MYRIP: variants seen among roughly 807,000 people sequenced by gnomAD.
MYRIP encodes the protein myosin VIIA and Rab interacting protein, also known as rab effector MyRIP.
A neutral mutation model predicts 98.0 loss-of-function variants in MYRIP; 49 were observed. That is an observed-to-expected ratio of 0.50 (90% confidence interval 0.40 to 0.63). MYRIP has a LOEUF of 0.63. MYRIP is among the 30% of genes least tolerant of loss of function. The probability of loss-of-function intolerance (pLI) is 0.00; values close to 1 mark genes in which losing one functional copy is unlikely to be tolerated. For missense variants in MYRIP, 1,004 were observed against 1,058.2 expected (o/e 0.95, Z 0.71); for synonymous variants, 404 against 409.5 (o/e 0.99, Z 0.16).
chr3:40,156,066 C>T (rs1333524766), intron 4 of MYRIP, among the ~76,000 whole-genome samples: 8 of 151,850 alleles, frequency 5.3e-5, no homozygotes, highest in African/African-American at 1.2e-4. Flanking sequence ...AAGTCCTTGC[C>T]CATGCCTATG....
chr3:40,106,382 T>G (rs916291371), intron 3 of MYRIP, among the ~76,000 whole-genome samples: 1 of 152,162 alleles, frequency 6.6e-6, no homozygotes, highest in Non-Finnish European at 1.5e-5. Flanking sequence ...TCGTTTGAAT[T>G]TTTATGTTTG....
intron 3 of MYRIP, among the ~76,000 whole-genome samples, chr3:40,141,098 T>A (rs1386671371): frequency 1.3e-5 from 2 of 152,190 alleles, no homozygotes; most frequent in African/African-American, 4.8e-5. Context: ...ACCATCCTTC[T>A]ACACTCTATC....
chr3:39,816,303 C>T (rs982144713), intron 1 of MYRIP, among the ~76,000 whole-genome samples: 1 of 152,092 alleles, frequency 6.6e-6, no homozygotes, highest in Non-Finnish European at 1.5e-5. Context: ...AGGATGGTCT[C>T]GATCTCCTGA....
chr3:39,926,525 G>A, intron 2 of MYRIP, among the ~76,000 whole-genome samples: 1 of 151,974 alleles, frequency 6.6e-6, no homozygotes. Flanking sequence ...GTTAAAAGTA[G>A]GGGTCCAGTT....
chr3:40,135,140 A>C (rs145902817), intron 3 of MYRIP, among the ~76,000 whole-genome samples: 226 of 152,332 alleles, frequency 1.5e-3, no homozygotes, highest in African/African-American at 5.2e-3. Context: ...TTTGAAAAAA[A>C]ATTAGATGAA....
At chr3:39,936,913 G>A (rs1252248351) in intron 2 of MYRIP, among the ~76,000 whole-genome samples, 1 of 152,008 alleles carries the variant, frequency 6.6e-6, no homozygotes, top group East Asian at 1.9e-4. Flanking sequence ...GTGTTTTATG[G>A]AACTTGGTTT....
chr3:39,901,708 C>G (rs1277825564), intron 2 of MYRIP, among the ~76,000 whole-genome samples: 2 of 152,096 alleles, frequency 1.3e-5, no homozygotes, highest in Admixed American at 6.5e-5. Flanking sequence ...AAGCAAAAAC[C>G]TGTTTTGCTC....
chr3:40,225,353 C>T (rs1952458652), intron 11 of MYRIP, among the ~76,000 whole-genome samples: 1 of 152,136 alleles, frequency 6.6e-6, no homozygotes, highest in Non-Finnish European at 1.5e-5. Flanking sequence ...CTTTCCAAAT[C>T]AATGCACTTA....
chr3:40,162,659 C>T, intron 4 of MYRIP, 71 bp from the exon 5 acceptor site: 2 of 1,344,858 alleles, frequency 1.5e-6, no homozygotes, highest in Non-Finnish European at 1.1e-6. Flanking sequence ...TTCAGTGACA[C>T]AGTGCATCAG....
intron 8 of MYRIP, among the ~76,000 whole-genome samples, chr3:40,176,744 C>T (rs200367090): frequency 6.6e-6 from 1 of 151,818 alleles, no homozygotes; most frequent in East Asian, 1.9e-4. Flanking sequence ...CCTGTCTCTA[C>T]TAAAAATACA....
chr3:39,819,416 C>G (rs1053694449), intron 1 of MYRIP, among the ~76,000 whole-genome samples: 1 of 152,086 alleles, frequency 6.6e-6, no homozygotes, highest in Non-Finnish European at 1.5e-5. Context: ...TTAGTAGTGC[C>G]TTTAATGAGG....
At chr3:39,866,789 A>G (rs962895792) in intron 1 of MYRIP, among the ~76,000 whole-genome samples, 1 of 152,220 alleles carries the variant, frequency 6.6e-6, no homozygotes, top group African/African-American at 2.4e-5. Flanking sequence ...AACCCCTATC[A>G]AAATTCTAAT....
intron 3 of MYRIP, among the ~76,000 whole-genome samples, chr3:40,128,281 G>A (rs1360787923): frequency 6.6e-6 from 1 of 152,162 alleles, no homozygotes; most frequent in Non-Finnish European, 1.5e-5. Context: ...GTGGCAGCAG[G>A]CTAGACAACA....
intron 3 of MYRIP, among the ~76,000 whole-genome samples, chr3:40,057,249 A>G (rs1025142549): frequency 1.3e-5 from 2 of 152,090 alleles, no homozygotes; most frequent in Non-Finnish European, 2.9e-5. Flanking sequence ...AGAAGCCTAA[A>G]CAGTCCTATG....
chr3:40,043,354 T>C (rs753745427), intron 2 of MYRIP, among the ~76,000 whole-genome samples: 8 of 152,176 alleles, frequency 5.3e-5, no homozygotes, highest in Non-Finnish European at 1.0e-4. Flanking sequence ...TTTTCTTTTT[T>C]TTTCCCCAGG....
chr3:40,156,089 T>A lies in MYRIP; in HGVS notation c.469+4905T>A, dbSNP rs1238583567. 3.3e-5 allele frequency among the ~76,000 whole-genome samples: 5 copies of A among 151,920 alleles called. No homozygotes were observed. In the South Asian group the frequency reaches 6.3e-4, roughly 19 times the overall value. On this transcript the variant is annotated intron_variant, in intron 4 of 16. Coordinates refer to ENST00000302541, the MANE Select transcript of MYRIP (RefSeq NM_015460.4). ...GCCCATGCCTATGTCCTGAATGGTA[T>A]TGCCTAGGTTTTCTTCTAGGGTTTT...
chr3:39,926,182 T>C (rs1354984474), intron 2 of MYRIP, among the ~76,000 whole-genome samples: 1 of 152,086 alleles, frequency 6.6e-6, no homozygotes, highest in Non-Finnish European at 1.5e-5. Context: ...GATGGGGTTA[T>C]TTGTTTTTTG....
At chr3:40,161,371 T>C (rs1950391720) in intron 4 of MYRIP, among the ~76,000 whole-genome samples, 1 of 152,182 alleles carries the variant, frequency 6.6e-6, no homozygotes, top group Non-Finnish European at 1.5e-5. Context: ...TTCCAAAGAC[T>C]TTTTCACATC....
At chr3:40,028,945 T>G (rs993908055) in intron 2 of MYRIP, among the ~76,000 whole-genome samples, 2 of 152,144 alleles carry the variant, frequency 1.3e-5, no homozygotes, top group Non-Finnish European at 2.9e-5. Flanking sequence ...CTTGGTACAG[T>G]TATTACTAGA....
Sources: allele counts gnomAD v4.1 joint callset (sites outside exome capture counted in the v4.1 genomes callset), GRCh38; gene constraint gnomAD v4.1.1; transcripts MANE v1.5; gene names NCBI Gene and HGNC (gene_info 2026-07-23, HGNC 2026-07-21).